Variants in GSTO2 observed in about 807,000 individuals in gnomAD.
The protein encoded by GSTO2 is glutathione S-transferase omega-2.
A neutral mutation model predicts 28.4 loss-of-function variants in GSTO2; 23 were observed. That is an observed-to-expected ratio of 0.81 (90% CI 0.58 to 1.15). The LOEUF (loss-of-function observed/expected upper bound fraction) is 1.15, where lower values mean the gene tolerates loss of function less well. Among genes scored for constraint, GSTO2 ranks in the 50% most tolerant of loss-of-function variants. The probability of loss-of-function intolerance (pLI) is 0.00; values close to 1 mark genes in which losing one functional copy is unlikely to be tolerated. For missense variants in GSTO2, 298 were observed against 297.8 expected, an observed-to-expected ratio of 1.00 and a Z score of 0.00; for synonymous variants, 109 against 111.0, an observed-to-expected ratio of 0.98 and a Z score of 0.11.
At chr10:104,285,814 A>G in intron 5 of GSTO2, 1 of 209,438 alleles carries the variant, frequency 4.8e-6, no homozygotes, top group South Asian at 5.7e-5. Context: ...AAAGACATTT[A>G]TTCAAGTTAG....
intron 5 of GSTO2, among the ~76,000 whole-genome samples, chr10:104,294,703 G>A (rs1043977185): frequency 1.3e-5 from 2 of 152,186 alleles, no homozygotes; most frequent in African/African-American, 4.8e-5. Flanking sequence ...AAGGATCACC[G>A]ATCCATTTAT....
chr10:104,296,689 C>T (rs2013047166), intron 5 of GSTO2: 2 of 150,196 alleles, frequency 1.3e-5, no homozygotes, highest in South Asian at 2.1e-4. Context: ...AAATAGGATG[C>T]TCTTTCCTGC....
chr10:104,280,886 C>T (rs1322210917), intron 5 of GSTO2, among the ~76,000 whole-genome samples: 12 of 152,206 alleles, frequency 7.9e-5, no homozygotes, highest in East Asian at 1.9e-4. Flanking sequence ...CAAATTTGTA[C>T]GATTAAGTAT....
Position 104,286,847 on chromosome 10 carries a change from A to T in GSTO2, c.468+7376A>T, listed in dbSNP as rs193179521. Among the ~76,000 whole-genome samples the T allele has an allele frequency of 2.6e-4, 40 of 152,254 alleles. No individual in the cohort carries two copies. In the East Asian group the frequency reaches 6.9e-3, roughly 26 times the overall value. ...AAATTAATTTTACTCTTCTCCAATT[A>T]TAAAGTAATACTTGTTCATTAGAGA... On this transcript the variant is annotated intron_variant, in intron 5 of 6. Transcript: ENST00000338595.
chr10:104,294,099 G>T (rs551596388), intron 5 of GSTO2, among the ~76,000 whole-genome samples: 88 of 152,244 alleles, frequency 5.8e-4, no homozygotes, highest in African/African-American at 2.0e-3. Flanking sequence ...AACTCTGCAG[G>T]ACCCAGGACG....
At chr10:104,292,412 C>T (rs1379381904) in intron 5 of GSTO2, among the ~76,000 whole-genome samples, 1 of 151,740 alleles carries the variant, frequency 6.6e-6, no homozygotes, top group Admixed American at 6.6e-5. Context: ...TCCACTTTGA[C>T]CTTCCAAAGC....
At chr10:104,281,344 C>T (rs1054847339) in intron 5 of GSTO2, among the ~76,000 whole-genome samples, 3 of 151,962 alleles carry the variant, frequency 2.0e-5, no homozygotes, top group Non-Finnish European at 4.4e-5. Flanking sequence ...CTGAATGGAC[C>T]CCATCATGCC....
At chr10:104,272,023 T>G (rs2011429786) in intron 1 of GSTO2, among the ~76,000 whole-genome samples, 1 of 152,222 alleles carries the variant, frequency 6.6e-6, no homozygotes, top group Non-Finnish European at 1.5e-5. Flanking sequence ...GAAAATTATA[T>G]GAAATTCACC....
rs201895783 is a variant in GSTO2 at position 104,297,717 on chromosome 10, C to T, written c.575+33C>T. Reference sequence around the variant, plus strand: ...ATTTGACATTGTGGTGTTAAATTCCCGGAGTCACACTGAGTAACAATGGTT... The same window carrying T: ...ATTTGACATTGTGGTGTTAAATTCCTGGAGTCACACTGAGTAACAATGGTT... On this transcript the variant is annotated intron_variant, in intron 6 of 6. Coordinates refer to ENST00000338595, the MANE Select transcript of GSTO2 (RefSeq NM_183239.2). 139 of 1,419,196 alleles carry T rather than the reference C, an allele frequency of 9.8e-5. No homozygotes were observed. In the African/African-American group the frequency reaches 1.7e-3, roughly 18 times the overall value. 87.9% of individuals were successfully genotyped at this position (1,419,196 alleles called of 1,614,324 possible).
rs1322743493 is a variant in GSTO2, at chr10:104,278,008, T to C, written c.258T>C (p.Ser86=). 1 of 1,613,788 alleles carries C rather than the reference T, an allele frequency of 6.2e-7. No individual in the cohort carries two copies. The highest frequency in any genetic ancestry group is 8.5e-7 in the Non-Finnish European group (1 of 1,179,650). ...GCCAATGTCAACTGATCTATGAATC[T>C]GTTATTGCTTGTGAGTACCTGGATG... The part of the protein sequence containing the change: ...ETSQCQLIYE[S]VIACEYLDDA... Residue 86 remains serine, a synonymous_variant, in exon 4 of 7, where the codon TCT becomes TCC. Coordinates refer to ENST00000338595, the MANE Select transcript of GSTO2 (RefSeq NM_183239.2).
chr10:104,289,254 CT>C (rs2012638045), intron 5 of GSTO2, among the ~76,000 whole-genome samples: 1 of 152,062 alleles, frequency 6.6e-6, no homozygotes, highest in Admixed American at 6.6e-5. Context: ...ACCACTATGC[CT>C]GGCTAATTTT....
At chr10:104,271,798 C>G (rs545043315) in intron 1 of GSTO2, among the ~76,000 whole-genome samples, 2 of 152,302 alleles carry the variant, frequency 1.3e-5, no homozygotes, top group Admixed American at 6.5e-5. Flanking sequence ...GGAAAATCAT[C>G]CTCTTCTGGC....
At chr10:104,296,579 G>A (rs1158459701) in intron 5 of GSTO2, 1 of 143,652 alleles carries the variant, frequency 7.0e-6, no homozygotes, top group African/African-American at 2.6e-5. Context: ...CGATCTACTG[G>A]ACTCCAGCCT....
At chr10:104,291,149 C>T (rs2012745674) in intron 5 of GSTO2, 1 of 152,322 alleles carries the variant, frequency 6.6e-6, no homozygotes. Flanking sequence ...TTAGGGGCCA[C>T]AGAGGGTGGA....
chr10:104,287,746 G>A (rs947822165), intron 5 of GSTO2, among the ~76,000 whole-genome samples: 19 of 151,686 alleles, frequency 1.3e-4, no homozygotes, highest in Admixed American at 3.3e-4. Context: ...TAGAATTAGG[G>A]TGGGTAAGAA....
Position 104,272,653 on chromosome 10 carries a change from G to A in GSTO2, c.-231-2032G>A, listed in dbSNP as rs1484997958. ...TTTTGAGACGGAGTCTCGCTCTGTCGCCCAGGCTGGAGTGCAGTGGCGCAG... is the reference window on the plus strand; with the variant it reads ...TTTTGAGACGGAGTCTCGCTCTGTCACCCAGGCTGGAGTGCAGTGGCGCAG... On this transcript the variant is annotated intron_variant, in intron 1 of 6. Transcript: ENST00000338595. Among the ~76,000 whole-genome samples, 16 of 124,162 alleles carry A rather than the reference G, an allele frequency of 1.3e-4. No individual in the cohort carries two copies. The Admixed American group carries it at 1.8e-3, about 14-fold the overall frequency. 81.5% of individuals were successfully genotyped at this position (124,162 alleles called of 152,430 possible).
At chr10:104,279,718 C>G (rs1275485755) in intron 5 of GSTO2, among the ~76,000 whole-genome samples, 4 of 152,144 alleles carry the variant, frequency 2.6e-5, no homozygotes, top group African/African-American at 9.7e-5. Flanking sequence ...CCCCATCTCC[C>G]TGAGTAGCTC....
chr10:104,274,115 C>G lies in GSTO2; in HGVS notation c.-231-570C>G, dbSNP rs560915801. Among the ~76,000 whole-genome samples the G allele has an allele frequency of 2.7e-4, 41 of 152,302 alleles. 1 individual carries two copies. The highest frequency in any genetic ancestry group is 8.7e-4 in the African/African-American group (36 of 41,578). ...CGCCCCTATATGGCTGGGCTGTTGG[C>G]AATGTATCCTTGGCAACTAGTAAGA... On this transcript the variant is annotated intron_variant, in intron 1 of 6. Coordinates refer to ENST00000338595, the MANE Select transcript of GSTO2 (RefSeq NM_183239.2).
intron 5 of GSTO2, among the ~76,000 whole-genome samples, chr10:104,286,942 C>T (rs72825848): frequency 1.3e-5 from 2 of 152,228 alleles, no homozygotes; most frequent in Non-Finnish European, 2.9e-5. Flanking sequence ...CCAGAAACAA[C>T]CACTGTTATT....
Sources: gnomAD v4.1 joint callset for allele counts (sites outside exome capture counted in the v4.1 genomes callset) on GRCh38, gnomAD v4.1.1 for gene constraint, MANE v1.5 for transcripts, NCBI Gene and HGNC (gene_info 2026-07-23, HGNC 2026-07-21) for gene names.